Variants in PHLDB2 observed in about 807,000 individuals in gnomAD.
PHLDB2 encodes the protein pleckstrin homology-like domain family B member 2.
PHLDB2 carries 71 observed loss-of-function variants against 123.6 expected under a neutral mutation model. The ratio of observed to expected loss-of-function variants is 0.57; its 90% CI spans 0.47 to 0.70. The LOEUF (loss-of-function observed/expected upper bound fraction) is 0.70, where lower values mean the gene tolerates loss of function less well. Ranked by LOEUF, PHLDB2 falls within the 30% of genes least tolerant of loss-of-function variation. The pLI is 0.00. For missense variants in PHLDB2, 1,446 were observed against 1,519.5 expected, an observed-to-expected ratio of 0.95 and a Z score of 0.80; for synonymous variants, 547 against 541.6, an observed-to-expected ratio of 1.01 and a Z score of -0.14.
At chr3:111,961,529 C>T (rs1442195108) in intron 12 of PHLDB2, among the ~76,000 whole-genome samples, 1 of 151,816 alleles carries the variant, frequency 6.6e-6, no homozygotes, top group Non-Finnish European at 1.5e-5. Context: ...AATTGACAGA[C>T]AAGAACAACT....
chr3:111,744,961 G>A (rs1223050334), intron 1 of PHLDB2, among the ~76,000 whole-genome samples: 1 of 152,164 alleles, frequency 6.6e-6, no homozygotes, highest in East Asian at 1.9e-4. Context: ...CAGTTTCTGT[G>A]CAAGATGGCA....
intron 1 of PHLDB2, among the ~76,000 whole-genome samples, chr3:111,806,318 GTCAATCCCC>G (rs1176490900): frequency 2.0e-5 from 3 of 152,018 alleles, no homozygotes; most frequent in Admixed American, 1.3e-4. Context: ...ACCTGTGGCA[GTCAATCCCC>G]TCTCCCACCC....
intron 1 of PHLDB2, among the ~76,000 whole-genome samples, chr3:111,772,036 G>A (rs2060187542): frequency 6.9e-6 from 1 of 145,246 alleles, no homozygotes; most frequent in African/African-American, 2.5e-5. Flanking sequence ...ATAACCCTTT[G>A]AATTTGGTAT....
intron 13 of PHLDB2, among the ~76,000 whole-genome samples, chr3:111,963,336 G>A (rs6788410): frequency 0.19 from 28,230 of 152,034 alleles, 3,228 homozygotes; most frequent in African/African-American, 0.31. Context: ...TCAAAGGATA[G>A]GCACAAAGTC....
At position 111,964,541 on chromosome 3, in the gene PHLDB2, C is replaced by A. The variant is rs58052524; in HGVS notation, c.3078-2072C>A. On this transcript the variant is annotated intron_variant, in intron 13 of 17. Coordinates refer to ENST00000431670, the MANE Select transcript of PHLDB2 (RefSeq NM_001134438.2). ...TTTTTTAGTAGAGAAGGGGTTTCAC[C>A]ATGTTGGCCAGGCTGGTCTTGAACT... 4.6e-5 allele frequency among the ~76,000 whole-genome samples: 7 copies of A among 151,426 alleles called. No homozygotes were observed. The East Asian group carries it at 1.2e-3, about 25-fold the overall frequency.
chr3:111,919,275 C>G, intron 4 of PHLDB2, 60 bp downstream of exon 4: 4 of 1,562,772 alleles, frequency 2.6e-6, no homozygotes, highest in Non-Finnish European at 3.5e-6. Context: ...AATATTGCTA[C>G]TTATTCAGGA....
chr3:111,809,676 A>G (rs1459327392), intron 1 of PHLDB2, among the ~76,000 whole-genome samples: 2 of 152,224 alleles, frequency 1.3e-5, no homozygotes, highest in Non-Finnish European at 2.9e-5. Context: ...ATCATCAAGA[A>G]GCTCTGATTT....
At chr3:111,755,118 TG>T (rs1274957936) in intron 1 of PHLDB2, among the ~76,000 whole-genome samples, 1 of 150,772 alleles carries the variant, frequency 6.6e-6, no homozygotes, top group Non-Finnish European at 1.5e-5. Flanking sequence ...TTCTCTTTTT[TG>T]GTTGTGTCTC....
At chr3:111,896,358 G>T (rs63536560) in intron 2 of PHLDB2, among the ~76,000 whole-genome samples, 184 of 65,040 alleles carry the variant, frequency 2.8e-3, no homozygotes, top group African/African-American at 7.2e-3. Flanking sequence ...TTCTTCCCCC[G>T]CCCCGAGACG....
At chr3:111,903,187 G>C (rs9870405) in intron 2 of PHLDB2, among the ~76,000 whole-genome samples, 47,495 of 152,160 alleles carry the variant, frequency 0.31, 7,687 homozygotes, top group Middle Eastern at 0.4. Flanking sequence ...CTTCAGTAAG[G>C]GGGGGACACC....
chr3:111,918,391 C>G (rs1282942), intron 3 of PHLDB2, among the ~76,000 whole-genome samples: 152,253 of 152,380 alleles, frequency 1, 76,063 homozygotes, highest in Non-Finnish European at 1. Context: ...ATAGCAAGAA[C>G]GTCTATAGGA....
intron 10 of PHLDB2, among the ~76,000 whole-genome samples, chr3:111,951,485 G>C (rs2070716064): frequency 6.6e-6 from 1 of 152,008 alleles, no homozygotes. Context: ...TTATAAATTT[G>C]CTAATTCAAA....
At chr3:111,795,300 G>A (rs1312644445) in intron 1 of PHLDB2, among the ~76,000 whole-genome samples, 1 of 152,122 alleles carries the variant, frequency 6.6e-6, no homozygotes, top group Non-Finnish European at 1.5e-5. Flanking sequence ...TGATACAAGA[G>A]TGGAGATGGC....
chr3:111,941,251 A>T (rs954140517), intron 8 of PHLDB2, among the ~76,000 whole-genome samples: 1 of 152,220 alleles, frequency 6.6e-6, no homozygotes, highest in African/African-American at 2.4e-5. Flanking sequence ...AAGACATTGA[A>T]AAGCAAGCCG....
intron 2 of PHLDB2, among the ~76,000 whole-genome samples, chr3:111,898,771 T>C (rs1378135305): frequency 6.6e-6 from 1 of 152,226 alleles, no homozygotes; most frequent in Non-Finnish European, 1.5e-5. Context: ...TATGAAGCAA[T>C]TCCTCATCAG....
rs533422088 is a variant in PHLDB2, at chr3:111,803,762, A to G, written c.-48-42059A>G. Among the ~76,000 whole-genome samples, 387 of 152,348 alleles carry G rather than the reference A, an allele frequency of 2.5e-3. 3 individuals carry two copies. The highest frequency in any genetic ancestry group is 3.3e-3 in the Non-Finnish European group (222 of 68,022). On this transcript the variant is annotated intron_variant, in intron 1 of 17. Coordinates refer to the PHLDB2 transcript ENST00000393923. ...TCCCTCAGCTATAAAAAATGGATAT[A>G]ACAATTTTTTTCTCTGATGTTGCTT...
At chr3:111,969,965 G>C in intron 16 of PHLDB2, 56 bp downstream of exon 16, 7 of 1,532,354 alleles carry the variant, frequency 4.6e-6, no homozygotes, top group Non-Finnish European at 5.4e-6. Context: ...CCCTGTTAAA[G>C]AGCAAAGGCA....
At chr3:111,744,653 A>G (rs1262070993) in intron 1 of PHLDB2, among the ~76,000 whole-genome samples, 1 of 152,246 alleles carries the variant, frequency 6.6e-6, no homozygotes, top group Non-Finnish European at 1.5e-5. Flanking sequence ...AGCTACCAGT[A>G]GTAGTTCAGT....
intron 1 of PHLDB2, among the ~76,000 whole-genome samples, chr3:111,787,713 A>G (rs750891834): frequency 2.6e-5 from 4 of 152,172 alleles, no homozygotes; most frequent in African/African-American, 7.2e-5. Context: ...AAGAGGACAC[A>G]TGGGAGATAG....
Sources: allele counts gnomAD v4.1 joint callset (sites outside exome capture counted in the v4.1 genomes callset), GRCh38; gene constraint gnomAD v4.1.1; transcripts MANE v1.5; gene names NCBI Gene and HGNC (gene_info 2026-07-23, HGNC 2026-07-21).